RIF1: variants seen among roughly 807,000 people sequenced by gnomAD.
RIF1 encodes telomere-associated protein RIF1.
Under a neutral mutation model 247.1 loss-of-function variants are expected in RIF1, and 45 were observed. The observed-to-expected ratio is 0.18, with a 90% CI of 0.14 to 0.23. The LOEUF is 0.23. Ranked by LOEUF, RIF1 falls within the 10% of genes least tolerant of loss-of-function variation. RIF1 has a pLI of 1.00. For missense variants in RIF1, 2,967 were observed against 2,862.5 expected (o/e 1.04, Z -0.83); for synonymous variants, 1,087 against 978.8 (o/e 1.11, Z -2.06).
intron 3 of RIF1, among the ~76,000 whole-genome samples, chr2:151,414,233 C>T (rs1686794726): frequency 6.6e-6 from 1 of 151,674 alleles, no homozygotes; most frequent in Non-Finnish European, 1.5e-5. Flanking sequence ...TTGCAGGGAA[C>T]TGAGATTACA....
In RIF1 at chr2:151,458,926, T is replaced by A. The variant is rs199899215; in HGVS notation, c.2955+16T>A. 4.9e-6 allele frequency: 7 copies of A among 1,429,462 alleles called. No homozygotes were observed. The African/African-American group carries it at 8.6e-5, about 17-fold the overall frequency. The allele number at this position is 1,429,462 out of a possible 1,614,324, so 88.5% of individuals were successfully genotyped here. A position where few individuals can be genotyped will look rare whatever the true frequency, so the allele number is the denominator to read the frequency against. On this transcript the variant is annotated intron_variant, in intron 25 of 35. Transcript: ENST00000444746. ...TTCTGATGGAGTAAGTTGGGGGGTT[T>A]TATTGTTCATTTGTTTTTGGACATT...
chr2:151,506,300 G>C (rs1187327306), exon 13 of RIF1: 1 of 1,452,000 alleles, frequency 6.9e-7, no homozygotes, highest in Admixed American at 1.8e-5. Context: ...CAGAAGAAAA[G>C]AAAACCCAGC....
At position 151,465,264 on chromosome 2, in the gene RIF1, A is replaced by C. The variant is rs1224363350; in HGVS notation, c.5744A>C (p.Lys1915Thr). 1.9e-5 allele frequency: 31 copies of C among 1,610,872 alleles called. No homozygotes were observed. Among genetic ancestry groups the C allele is most frequent in the Non-Finnish European group, 2.6e-5 (31 of 1,179,316 alleles). Residue 1915 changes from lysine (K) to threonine (T), a missense_variant, in exon 30 of 36, where the codon AAA (lysine) becomes ACA (threonine). Lys to Thr is a moderately conservative substitution (Grantham distance 78). Coordinates refer to ENST00000444746, the MANE Select transcript of RIF1 (RefSeq NM_018151.5). Reference protein sequence around the residue: ...KVTESNLEKAKTMELNVGNEA... With the variant: ...KVTESNLEKATTMELNVGNEA... ...ACAGAATCCAATCTAGAGAAAGCAA[A>C]AACTATGGAATTGAATGTAGGAAAT... is the stretch of plus-strand genomic sequence containing the variant.
At chr2:151,425,660 C>CTTTTTTTTTTTTTTTTTTT (rs34032157) in intron 8 of RIF1, among the ~76,000 whole-genome samples, 1 of 83,688 alleles carries the variant, frequency 1.2e-5, no homozygotes, top group Non-Finnish European at 2.1e-5. Context: ...TTGTGGTACC[C>CTTTTTTTTTTTTTTTTTTT]TTTTTTTTTT....
chr2:151,466,632 A>G (rs1413680147), intron 30 of RIF1, among the ~76,000 whole-genome samples: 2 of 152,150 alleles, frequency 1.3e-5, no homozygotes, highest in African/African-American at 2.4e-5. Context: ...CAGCTAAATT[A>G]TAGATCTTTT....
At chr2:151,449,577 G>A (rs982364655) in intron 20 of RIF1, among the ~76,000 whole-genome samples, 7 of 152,194 alleles carry the variant, frequency 4.6e-5, no homozygotes, top group East Asian at 3.9e-4. Context: ...TCAACCTCCC[G>A]AGTGGGTTGG....
chr2:151,501,229 C>T (rs969504225), intron 11 of RIF1, among the ~76,000 whole-genome samples: 1 of 152,032 alleles, frequency 6.6e-6, no homozygotes, highest in African/African-American at 2.4e-5. Context: ...TTGTTAGAAT[C>T]AAATGGTGAG....
intron 22 of RIF1, among the ~76,000 whole-genome samples, chr2:151,455,983 A>G (rs190071183): frequency 3.3e-5 from 5 of 152,252 alleles, no homozygotes; most frequent in Admixed American, 3.3e-4. Context: ...ATTTGCCACT[A>G]TTTCTGGGTA....
In RIF1 at chr2:151,480,920, CTG is replaced by C. The variant is rs2152566516; in HGVS notation, c.*5852_*5853del. 2 of 151,548 alleles carry C rather than the reference CTG, an allele frequency of 1.3e-5. 1 individual carries two copies. Among genetic ancestry groups the C allele is most frequent in the Admixed American group, 1.3e-4 (2 of 15,256 alleles). The allele number at this position is 151,548 out of a possible 1,614,324, so 9.4% of individuals were successfully genotyped here. ...GCATGCCACCTGTTTTTTGTACTAT[CTG>C]TGAGCTGAGACTGGTTTTTACATTT... On this transcript the variant is annotated 3_prime_UTR_variant, in exon 36 of 36. Transcript: ENST00000444746.
chr2:151,517,230 G>C, the RIF1 span, among the ~76,000 whole-genome samples: 29 of 152,170 alleles, frequency 1.9e-4, no homozygotes, highest in Non-Finnish European at 8.8e-5. Flanking sequence ...TAAGAATCAG[G>C]GGAGCCACAT....
chr2:151,420,009 C>A (rs895278470), intron 6 of RIF1, among the ~76,000 whole-genome samples, 181 bp from the exon 7 acceptor site: 2 of 152,094 alleles, frequency 1.3e-5, no homozygotes, highest in African/African-American at 4.8e-5. Context: ...AAAAAATTTA[C>A]AAAAGCAATA....
the RIF1 span, among the ~76,000 whole-genome samples, chr2:151,516,746 T>C: frequency 2.6e-5 from 4 of 152,306 alleles, no homozygotes; most frequent in South Asian, 8.3e-4. Context: ...GTTGAGGGGA[T>C]GGGTACCATT....
At chr2:151,525,108 T>G in the RIF1 span, 4,180 of 1,222,744 alleles carry the variant, frequency 3.4e-3, 25 homozygotes, top group South Asian at 0.012. Context: ...AATGCACCAA[T>G]CTGGGTTCCA....
rs2048975130 is a variant in RIF1 at position 151,477,265 on chromosome 2, T to G, written c.*2194T>G. ...TATTCCATGATTAGCTCTACTGTGT[T>G]GTCTCACTATTAAAATGGAATTCGT... On this transcript the variant is annotated 3_prime_UTR_variant, in exon 36 of 36. Coordinates refer to ENST00000444746, the MANE Select transcript of RIF1 (RefSeq NM_018151.5). The G allele has an allele frequency of 6.6e-6, 1 of 152,222 alleles. No individual in the cohort carries two copies. Among genetic ancestry groups the G allele is most frequent in the Non-Finnish European group, 1.5e-5 (1 of 68,034 alleles). The allele number at this position is 152,222 out of a possible 1,614,324, so 9.4% of individuals were successfully genotyped here. A position where few individuals can be genotyped will look rare whatever the true frequency, so the allele number is the denominator to read the frequency against.
At position 151,409,952 on chromosome 2, in the gene RIF1, C is replaced by T. The variant is rs1393273239; in HGVS notation, c.-92C>T. 1.4e-6 allele frequency: 1 copy of T among 701,436 alleles called. No homozygotes were observed. Among genetic ancestry groups the T allele is most frequent in the African/African-American group, 1.7e-5 (1 of 57,356 alleles). The allele number at this position is 701,436 out of a possible 1,614,324, so 43.5% of individuals were successfully genotyped here. On this transcript the variant is annotated 5_prime_UTR_variant, in exon 1 of 36. Transcript: ENST00000444746. ...GCGCGCCGCACGCGTGAGTAAACAGCCGGAGCTGGGAAAGTCGAGCTCTGG... is the reference window on the plus strand; with the variant it reads ...GCGCGCCGCACGCGTGAGTAAACAGTCGGAGCTGGGAAAGTCGAGCTCTGG...
chr2:151,422,923 T>C (rs747244584), intron 7 of RIF1, 27 bp from the exon 8 acceptor site: 2 of 1,219,986 alleles, frequency 1.6e-6, no homozygotes, highest in Non-Finnish European at 1.2e-6. Context: ...AGAGTCTGTT[T>C]GGTAAATTAA....
intron 8 of RIF1, chr2:151,423,901 C>T (rs911916866): frequency 6.6e-6 from 1 of 152,104 alleles, no homozygotes; most frequent in African/African-American, 2.4e-5. Flanking sequence ...TATCTATACC[C>T]AAAACCTGTG....
chr2:151,476,300 T>A lies in RIF1; in HGVS notation c.*1229T>A. 6.6e-6 allele frequency: 1 copy of A among 152,216 alleles called. No individual in the cohort carries two copies. The highest frequency in any genetic ancestry group is 1.9e-4 in the East Asian group (1 of 5,206). The allele number at this position is 152,216 out of a possible 1,614,324, so 9.4% of individuals were successfully genotyped here. ...CTGATGTTTTTAATATATGTCTGTGTTGCCTAGGTTTTCTTTTTTTAAAGA... is the reference window on the plus strand; with the variant it reads ...CTGATGTTTTTAATATATGTCTGTGATGCCTAGGTTTTCTTTTTTTAAAGA... On this transcript the variant is annotated 3_prime_UTR_variant, in exon 36 of 36. Transcript: ENST00000444746.
At chr2:151,521,566 G>A in the RIF1 span, among the ~76,000 whole-genome samples, 1 of 152,194 alleles carries the variant, frequency 6.6e-6, no homozygotes, top group African/African-American at 2.4e-5. Context: ...CAGAGTCAGA[G>A]TAGGGAAGAA....
Sources: allele counts gnomAD v4.1 joint callset (sites outside exome capture counted in the v4.1 genomes callset), GRCh38; gene constraint gnomAD v4.1.1; transcripts MANE v1.5; gene names NCBI Gene and HGNC (gene_info 2026-07-23, HGNC 2026-07-21).